The following MOK variants were observed in gnomAD, a reference collection of about 807,000 sequenced individuals.
MOK encodes MOK protein kinase, also known as MAPK/MAK/MRK overlapping kinase.
MOK carries 59 observed loss-of-function variants against 54.2 expected under a neutral mutation model. The observed-to-expected ratio is 1.09, with a 90% confidence interval of 0.88 to 1.35. MOK has a LOEUF of 1.35. Ranked by LOEUF, MOK falls within the 40% of genes most tolerant of loss-of-function variation. MOK has a pLI of 0.00. For synonymous variants in MOK, 210 were observed against 202.7 expected (o/e 1.04, Z -0.31); for missense variants, 517 against 526.2 (o/e 0.98, Z 0.17).
At chr14:102,259,553 C>T (rs2067222286) in intron 4 of MOK, among the ~76,000 whole-genome samples, 1 of 152,142 alleles carries the variant, frequency 6.6e-6, no homozygotes, top group African/African-American at 2.4e-5. Context: ...TCAATTTCCT[C>T]ATCTGTAAAA....
In MOK at chr14:102,252,013, T is replaced by C. The variant is rs200150014; in HGVS notation, c.284-18A>G. Reference sequence around the variant, plus strand: ...TCTTCTCCCTGTACAATCAAGGAAATAGGCAAATACGGTTACTGATGGTAC... The same window carrying C: ...TCTTCTCCCTGTACAATCAAGGAAACAGGCAAATACGGTTACTGATGGTAC... On this transcript the variant is annotated intron_variant, in intron 4 of 11. Transcript: ENST00000361847. 5.0e-6 allele frequency: 7 copies of C among 1,408,836 alleles called. No homozygotes were observed. The highest frequency in any genetic ancestry group is 1.2e-5 in the South Asian group (1 of 84,048). The allele number at this position is 1,408,836 out of a possible 1,614,324, so 87.3% of individuals were successfully genotyped here.
Position 102,229,442 on chromosome 14 carries a change from C to T in MOK, c.1182+15G>A. On this transcript the variant is annotated intron_variant, in intron 11 of 11. Coordinates refer to ENST00000361847, the MANE Select transcript of MOK (RefSeq NM_014226.3). ...TCGAAGAGCAGCGCCGTCAGAGAAG[C>T]TGGTTCCGCGCTACCTTCTTGCTCG... 1 of 1,614,208 alleles carries T rather than the reference C, an allele frequency of 6.2e-7. No homozygotes were observed. Among genetic ancestry groups the T allele is most frequent in the Non-Finnish European group, 8.5e-7 (1 of 1,180,038 alleles).
chr14:102,285,991 C>T (rs1461096297), intron 1 of MOK, among the ~76,000 whole-genome samples: 1 of 152,120 alleles, frequency 6.6e-6, no homozygotes, highest in Non-Finnish European at 1.5e-5. Flanking sequence ...TTGGCAGCAG[C>T]TATTAAATCT....
chr14:102,231,648 C>A lies in MOK; in HGVS notation c.981+59G>T, dbSNP rs1189528299. On this transcript the variant is annotated intron_variant, in intron 10 of 11. Coordinates refer to ENST00000361847, the MANE Select transcript of MOK (RefSeq NM_014226.3). This position sits in a 1 kb window ranked among gnomAD's most constrained non-coding sequence, Gnocchi z 4.4. ...TCCTCCTGAGAGAGACACAGGCCAC[C>A]CGAGGGCATCCAGTCCCGGCTGAGC... 4 of 1,510,150 alleles carry A rather than the reference C, an allele frequency of 2.6e-6. No homozygotes were observed. The highest frequency in any genetic ancestry group is 2.4e-4 in the Middle Eastern group (1 of 4,216). 93.5% of individuals were successfully genotyped at this position (1,510,150 alleles called of 1,614,324 possible).
intron 4 of MOK, among the ~76,000 whole-genome samples, chr14:102,259,001 G>A (rs568830446): frequency 2.0e-5 from 3 of 151,908 alleles, no homozygotes; most frequent in African/African-American, 7.2e-5. Context: ...AGGAGACGGA[G>A]GATGCAGTGA....
rs757503359 is a variant in MOK at position 102,304,986 on chromosome 14, G to A, written c.-18C>T. On this transcript the variant is annotated 5_prime_UTR_variant, in exon 1 of 12. Transcript: ENST00000361847. ...CTCTTCATCTTGGATGCGGAAGCCG[G>A]TGACAACCCCTTGCCGACACTGGAC... 1 of 1,610,548 alleles carries A rather than the reference G, an allele frequency of 6.2e-7. No individual in the cohort carries two copies. Among genetic ancestry groups the A allele is most frequent in the Non-Finnish European group, 8.5e-7 (1 of 1,178,668 alleles).
intron 1 of MOK, among the ~76,000 whole-genome samples, chr14:102,297,806 G>C (rs978582686): frequency 7.9e-5 from 12 of 152,198 alleles, no homozygotes; most frequent in Admixed American, 7.8e-4. Context: ...CTGGCCCCGG[G>C]CAGTGACGGG....
At chr14:102,219,342 G>A in the MOK span, among the ~76,000 whole-genome samples, 4 of 152,222 alleles carry the variant, frequency 2.6e-5, no homozygotes, top group African/African-American at 7.2e-5. Context: ...CCAGTGACTC[G>A]CACAAGTCCT....
intron 1 of MOK, among the ~76,000 whole-genome samples, chr14:102,288,611 C>A (rs902339322): frequency 6.6e-6 from 1 of 152,150 alleles, no homozygotes; most frequent in Non-Finnish European, 1.5e-5. Flanking sequence ...AATATTTTAA[C>A]ATTAGATTAT....
chr14:102,284,549 A>G (rs1163323145), intron 1 of MOK, among the ~76,000 whole-genome samples: 1 of 152,148 alleles, frequency 6.6e-6, no homozygotes, highest in Non-Finnish European at 1.5e-5. Flanking sequence ...AAATCTAGAG[A>G]GCAAAAGTCT....
the MOK span, among the ~76,000 whole-genome samples, chr14:102,215,983 G>T: frequency 6.6e-6 from 1 of 152,134 alleles, no homozygotes; most frequent in Non-Finnish European, 1.5e-5. Flanking sequence ...TCAGGCCCTT[G>T]TGCTCCCATT....
chr14:102,294,163 G>A (rs548236988), intron 1 of MOK, among the ~76,000 whole-genome samples: 1 of 151,262 alleles, frequency 6.6e-6, no homozygotes, highest in South Asian at 2.1e-4. Flanking sequence ...TTAGCCAGGT[G>A]AGGCCGGGTG....
At chr14:102,268,914 C>CAAA (rs10700014) in intron 2 of MOK, among the ~76,000 whole-genome samples, 50 of 116,984 alleles carry the variant, frequency 4.3e-4, no homozygotes, top group African/African-American at 5.9e-4. Context: ...GACTCCGTCT[C>CAAA]AAAAAAAAAA....
chr14:102,281,019 T>C (rs2069362110), intron 2 of MOK, among the ~76,000 whole-genome samples: 1 of 151,986 alleles, frequency 6.6e-6, no homozygotes, highest in South Asian at 2.1e-4. Context: ...CGAGACCCTG[T>C]CTCTACAAAA....
chr14:102,252,076 T>TCACAGA, intron 4 of MOK, 81 bp from the exon 5 acceptor site: 1 of 854,720 alleles, frequency 1.2e-6, no homozygotes, highest in Admixed American at 2.4e-5. Context: ...TCTATTTTTA[T>TCACAGA]TTAACAATGT....
chr14:102,241,023 A>G (rs2065672281), intron 7 of MOK, among the ~76,000 whole-genome samples: 1 of 152,188 alleles, frequency 6.6e-6, no homozygotes, highest in African/African-American at 2.4e-5. Flanking sequence ...CAGCCAGAAA[A>G]TGGCACTTTT....
chr14:102,231,849 A>C lies in MOK; in HGVS notation c.867-28T>G. On this transcript the variant is annotated intron_variant, in intron 9 of 11. Transcript: ENST00000361847. This position sits in a 1 kb window ranked among gnomAD's most constrained non-coding sequence, Gnocchi z 4.4. ...ACGGGGAAGGAGAAGAGAATGGAGCAGCTCCACTGAGAGCCCGCAGAGCAC... is the reference window on the plus strand; with the variant it reads ...ACGGGGAAGGAGAAGAGAATGGAGCCGCTCCACTGAGAGCCCGCAGAGCAC... 6.3e-7 allele frequency: 1 copy of C among 1,585,854 alleles called. No homozygotes were observed. Among genetic ancestry groups the C allele is most frequent in the Non-Finnish European group, 8.6e-7 (1 of 1,156,566 alleles).
intron 1 of MOK, among the ~76,000 whole-genome samples, chr14:102,297,988 TG>T (rs1161681896): frequency 6.6e-6 from 1 of 152,164 alleles, no homozygotes; most frequent in Non-Finnish European, 1.5e-5. Context: ...TGTGGGCTCC[TG>T]CGCAGCCCAA....
At chr14:102,284,052 T>C (rs1465057993) in intron 1 of MOK, among the ~76,000 whole-genome samples, 1 of 152,154 alleles carries the variant, frequency 6.6e-6, no homozygotes, top group Non-Finnish European at 1.5e-5. Context: ...TTGCACTTCC[T>C]AATTTTCTGA....
Sources: gnomAD v4.1 joint callset for allele counts (sites outside exome capture counted in the v4.1 genomes callset) on GRCh38, gnomAD v4.1.1 for gene constraint, Gnocchi (gnomAD v3.1) non-coding constraint, MANE v1.5 for transcripts, NCBI Gene and HGNC (gene_info 2026-07-23, HGNC 2026-07-21) for gene names.